The following ROBO2 variants were observed in gnomAD, a reference collection of about 807,000 sequenced individuals.
ROBO2 encodes roundabout guidance receptor 2.
A neutral mutation model predicts 160.8 loss-of-function variants in ROBO2; 53 were observed. That is an observed-to-expected ratio of 0.33 (90% CI 0.26 to 0.41). ROBO2 has a LOEUF of 0.41. Among genes scored for constraint, ROBO2 ranks in the 10% least tolerant of loss-of-function variants. The probability of loss-of-function intolerance (pLI) is 1.00; values close to 1 mark genes in which losing one functional copy is unlikely to be tolerated. For missense variants in ROBO2, 1,577 were observed against 1,722.4 expected (o/e 0.92, Z 1.49); for synonymous variants, 664 against 611.7 (o/e 1.09, Z -1.26).
At position 77,607,797 on chromosome 3, in the gene ROBO2, G is replaced by A; in HGVS notation, c.3137-1G>A. The A allele has an allele frequency of 6.2e-7, 1 of 1,613,070 alleles. No individual in the cohort carries two copies. The highest frequency in any genetic ancestry group is 1.1e-5 in the South Asian group (1 of 91,050). On this transcript the variant is annotated splice_acceptor_variant, in intron 20 of 25. Coordinates refer to ENST00000461745, the Ensembl canonical transcript of ROBO2. LOFTEE classifies it high-confidence loss of function. ...CTGAATAAATACGTTATTACTTTCAGGTGGGAAAGGTGGAAAAAAGAAGAA... is the reference window on the plus strand; with the variant it reads ...CTGAATAAATACGTTATTACTTTCAAGTGGGAAAGGTGGAAAAAAGAAGAA...
chr3:76,774,634 G>A (rs879455373), intron 2 of ROBO2, among the ~76,000 whole-genome samples: 1 of 150,752 alleles, frequency 6.6e-6, no homozygotes, highest in Non-Finnish European at 1.5e-5. Context: ...AGGACAATAA[G>A]ATGGAAGATC....
chr3:76,043,787 A>G (rs992748781), intron 2 of ROBO2, among the ~76,000 whole-genome samples: 2 of 151,958 alleles, frequency 1.3e-5, no homozygotes, highest in Non-Finnish European at 2.9e-5. Flanking sequence ...CATGCTAAGC[A>G]TGGAGTTAAT....
At chr3:76,933,677 T>C (rs2077498667) in intron 2 of ROBO2, among the ~76,000 whole-genome samples, 1 of 152,214 alleles carries the variant, frequency 6.6e-6, no homozygotes, top group Non-Finnish European at 1.5e-5. Context: ...TCATACATTA[T>C]GTATATATTT....
At chr3:76,127,597 A>AAATATATATAT (rs879328622) in intron 2 of ROBO2, among the ~76,000 whole-genome samples, 8 of 118,404 alleles carry the variant, frequency 6.8e-5, no homozygotes, top group East Asian at 4.5e-4. Flanking sequence ...GGTTTGAAAA[A>AAATATATATAT]ATATATATAT....
intron 2 of ROBO2, among the ~76,000 whole-genome samples, chr3:76,514,291 A>T (rs997875666): frequency 4.6e-5 from 7 of 152,130 alleles, no homozygotes; most frequent in Non-Finnish European, 8.8e-5. Flanking sequence ...TGTTACATGT[A>T]GTCAGTCACT....
chr3:76,586,166 T>C (rs967818902), intron 2 of ROBO2, among the ~76,000 whole-genome samples: 7 of 152,204 alleles, frequency 4.6e-5, no homozygotes, highest in African/African-American at 1.7e-4. Flanking sequence ...GTGCTTAGAT[T>C]AAAAATTAAC....
At chr3:76,233,983 C>T (rs890121707) in intron 2 of ROBO2, among the ~76,000 whole-genome samples, 1 of 152,158 alleles carries the variant, frequency 6.6e-6, no homozygotes, top group Non-Finnish European at 1.5e-5. Flanking sequence ...ACGCTCCAAC[C>T]TCAAGTAGAC....
chr3:76,960,964 G>A (rs764075701), intron 2 of ROBO2, among the ~76,000 whole-genome samples: 9 of 152,040 alleles, frequency 5.9e-5, no homozygotes, highest in Admixed American at 2.6e-4. Context: ...TAGACAAGCA[G>A]TGGTTTCTCT....
intron 5 of ROBO2, among the ~76,000 whole-genome samples, chr3:77,501,027 G>T (rs2087522370): frequency 6.6e-6 from 1 of 152,200 alleles, no homozygotes; most frequent in Admixed American, 6.5e-5. Context: ...CAGAGCAAAA[G>T]GATCTGTCTG....
At chr3:76,462,659 T>C in intron 2 of ROBO2, among the ~76,000 whole-genome samples, 1 of 151,308 alleles carries the variant, frequency 6.6e-6, no homozygotes, top group East Asian at 1.9e-4. Context: ...CCAGAATGCA[T>C]CACAGGGAGT....
intron 2 of ROBO2, among the ~76,000 whole-genome samples, chr3:75,968,120 G>T (rs1165519286): frequency 6.6e-6 from 1 of 151,566 alleles, no homozygotes; most frequent in African/African-American, 2.4e-5. Flanking sequence ...GATCAGAGAG[G>T]CAGTTAATTA....
chr3:77,286,168 T>C lies in ROBO2; in HGVS notation c.388+187828T>C, dbSNP rs557697056. Among the ~76,000 whole-genome samples, 193 of 152,216 alleles carry C rather than the reference T, an allele frequency of 1.3e-3. 1 individual carries two copies. The highest frequency in any genetic ancestry group is 4.2e-3 in the African/African-American group (175 of 41,526). ...ATACTCTATTTCCATAAGTGAATCA[T>C]GTATCTTGAACATCTTCCATGTTAA... On this transcript the variant is annotated intron_variant, in intron 2 of 25. Transcript: ENST00000461745.
At chr3:76,292,115 T>G (rs1486048914) in intron 2 of ROBO2, among the ~76,000 whole-genome samples, 2 of 152,188 alleles carry the variant, frequency 1.3e-5, no homozygotes, top group Non-Finnish European at 2.9e-5. Context: ...ATTATTGAAG[T>G]CTCCTGCTAT....
intron 2 of ROBO2, among the ~76,000 whole-genome samples, chr3:76,091,050 GA>G (rs2069211679): frequency 6.6e-6 from 1 of 152,138 alleles, no homozygotes; most frequent in South Asian, 2.1e-4. Flanking sequence ...TGACTTTTTA[GA>G]AACAGCTTCA....
At chr3:76,486,941 T>G (rs980482484) in intron 2 of ROBO2, among the ~76,000 whole-genome samples, 1 of 152,118 alleles carries the variant, frequency 6.6e-6, no homozygotes, top group African/African-American at 2.4e-5. Context: ...GTAGAACTTT[T>G]GGAATACCCA....
chr3:76,773,694 A>G (rs1188401008), intron 2 of ROBO2, among the ~76,000 whole-genome samples: 2 of 150,866 alleles, frequency 1.3e-5, no homozygotes, highest in African/African-American at 2.4e-5. Context: ...GTGAGAAAGA[A>G]TCTTATATTC....
chr3:77,329,831 G>A (rs1237459233), intron 2 of ROBO2, among the ~76,000 whole-genome samples: 5 of 152,000 alleles, frequency 3.3e-5, no homozygotes, highest in East Asian at 1.9e-4. Context: ...ATGTGAGGGC[G>A]GCACAATGAC....
At chr3:77,104,935 C>A (rs996768516) in intron 2 of ROBO2, among the ~76,000 whole-genome samples, 34 of 152,102 alleles carry the variant, frequency 2.2e-4, no homozygotes, top group African/African-American at 7.7e-4. Flanking sequence ...CAGTTTGGTC[C>A]CAATTAAGTT....
At chr3:76,771,305 T>G (rs1485242249) in intron 2 of ROBO2, among the ~76,000 whole-genome samples, 5 of 151,318 alleles carry the variant, frequency 3.3e-5, no homozygotes, top group South Asian at 2.1e-4. Context: ...TTAAGCAGGA[T>G]CTATTGTTAA....
Sources: gnomAD v4.1 joint callset for allele counts (sites outside exome capture counted in the v4.1 genomes callset) on GRCh38, gnomAD v4.1.1 for gene constraint, MANE v1.5 for transcripts, NCBI Gene and HGNC (gene_info 2026-07-23, HGNC 2026-07-21) for gene names.